Variants in DACH1 observed in about 807,000 individuals in gnomAD.
DACH1 encodes dachshund homolog 1.
DACH1 carries 12 observed loss-of-function variants against 54.2 expected under a neutral mutation model. That is an observed-to-expected ratio of 0.22 (90% CI 0.14 to 0.36). DACH1 has a LOEUF of 0.36. DACH1 is among the 10% of genes least tolerant of loss of function. The probability of loss-of-function intolerance (pLI) is 1.00; values close to 1 mark genes in which losing one functional copy is unlikely to be tolerated. For missense variants in DACH1, 805 were observed against 929.8 expected (o/e 0.87, Z 1.75); for synonymous variants, 386 against 366.2 (o/e 1.05, Z -0.62).
chr13:71,443,351 T>C (rs1346605301), intron 10 of DACH1, among the ~76,000 whole-genome samples: 1 of 151,896 alleles, frequency 6.6e-6, no homozygotes, highest in Non-Finnish European at 1.5e-5. Flanking sequence ...GCCAGCACTT[T>C]GGGAGGCTGA....
At chr13:71,709,998 C>G (rs930549077) in intron 1 of DACH1, among the ~76,000 whole-genome samples, 1 of 152,092 alleles carries the variant, frequency 6.6e-6, no homozygotes, top group African/African-American at 2.4e-5. Flanking sequence ...CAAGTTTGCA[C>G]CACCATGCCT....
intron 2 of DACH1, among the ~76,000 whole-genome samples, chr13:71,646,282 A>G (rs1878260114): frequency 6.6e-6 from 1 of 151,462 alleles, no homozygotes; most frequent in Admixed American, 6.6e-5. Context: ...GCTTGCAGTG[A>G]GCCGAGACTG....
At chr13:71,833,121 G>C (rs941204134) in intron 1 of DACH1, among the ~76,000 whole-genome samples, 4 of 151,886 alleles carry the variant, frequency 2.6e-5, no homozygotes, top group African/African-American at 9.7e-5. Context: ...TTGTAAGAGA[G>C]AGCCAACATT....
chr13:71,786,718 G>A (rs1324231103), intron 1 of DACH1, among the ~76,000 whole-genome samples: 2 of 152,066 alleles, frequency 1.3e-5, no homozygotes, highest in Non-Finnish European at 2.9e-5. Flanking sequence ...CCTGAGGACT[G>A]AGCCTCTTCA....
At chr13:71,523,185 A>G (rs1881724617) in intron 6 of DACH1, among the ~76,000 whole-genome samples, 1 of 152,122 alleles carries the variant, frequency 6.6e-6, no homozygotes, top group Non-Finnish European at 1.5e-5. Flanking sequence ...TATGTCACAA[A>G]CAACATTTCA....
chr13:71,862,877 A>C (rs1054407952), intron 1 of DACH1, among the ~76,000 whole-genome samples: 1 of 152,080 alleles, frequency 6.6e-6, no homozygotes, highest in Non-Finnish European at 1.5e-5. Context: ...GATGTTTCTC[A>C]TTGTATATAA....
intron 1 of DACH1, among the ~76,000 whole-genome samples, chr13:71,827,404 T>C (rs981631179): frequency 6.6e-5 from 10 of 152,126 alleles, no homozygotes; most frequent in Non-Finnish European, 1.3e-4. Flanking sequence ...TAGCCTTCAA[T>C]GCCAAGATGG....
chr13:71,783,971 A>G (rs1003208492), intron 1 of DACH1, among the ~76,000 whole-genome samples: 1 of 150,724 alleles, frequency 6.6e-6, no homozygotes, highest in Admixed American at 6.6e-5. Flanking sequence ...GTTTAAAAAA[A>G]AAAAAAAAAC....
intron 1 of DACH1, among the ~76,000 whole-genome samples, chr13:71,724,678 T>G (rs989877665): frequency 2.0e-5 from 3 of 152,166 alleles, no homozygotes; most frequent in African/African-American, 7.2e-5. Flanking sequence ...AAATGTATGT[T>G]AGTTATGATA....
At chr13:71,740,848 A>G (rs922015581) in intron 1 of DACH1, among the ~76,000 whole-genome samples, 1 of 152,302 alleles carries the variant, frequency 6.6e-6, no homozygotes, top group Non-Finnish European at 1.5e-5. Flanking sequence ...CATAGATTAT[A>G]ACATAGATTT....
At chr13:71,505,993 A>C (rs1315596329) in intron 6 of DACH1, among the ~76,000 whole-genome samples, 1 of 152,136 alleles carries the variant, frequency 6.6e-6, no homozygotes, top group Non-Finnish European at 1.5e-5. Context: ...TTGTTCCTTC[A>C]TCCTCTTGAT....
intron 1 of DACH1, among the ~76,000 whole-genome samples, chr13:71,798,557 GGA>G (rs1257185462): frequency 4.0e-5 from 6 of 151,348 alleles, no homozygotes; most frequent in Admixed American, 6.6e-5. Flanking sequence ...TCAGAATTTT[GGA>G]GTTTATTTAA....
At chr13:71,788,304 C>G (rs1475242677) in intron 1 of DACH1, among the ~76,000 whole-genome samples, 1 of 152,096 alleles carries the variant, frequency 6.6e-6, no homozygotes, top group African/African-American at 2.4e-5. Flanking sequence ...CTCTAATGTT[C>G]TTTCCAATTC....
At chr13:71,794,424 A>G (rs1886959252) in intron 1 of DACH1, among the ~76,000 whole-genome samples, 1 of 152,292 alleles carries the variant, frequency 6.6e-6, no homozygotes, top group African/African-American at 2.4e-5. Context: ...TTTAAAAATA[A>G]TAATGAGCAA....
chr13:71,694,913 C>T (rs1365067282), intron 1 of DACH1, among the ~76,000 whole-genome samples: 1 of 152,022 alleles, frequency 6.6e-6, no homozygotes, highest in Non-Finnish European at 1.5e-5. Context: ...ATTCAAGAAA[C>T]TTCTGGGATG....
At chr13:71,700,729 A>T (rs1014210084) in intron 1 of DACH1, among the ~76,000 whole-genome samples, 1 of 152,190 alleles carries the variant, frequency 6.6e-6, no homozygotes, top group African/African-American at 2.4e-5. Context: ...GTAATACTGT[A>T]ATATGGCAAG....
chr13:71,556,959 G>T (rs1256680273), intron 6 of DACH1, 65 bp downstream of exon 6: 4 of 1,457,980 alleles, frequency 2.7e-6, no homozygotes, highest in South Asian at 1.4e-5. Flanking sequence ...TTCATTGTGT[G>T]ATTAAAATCT....
At chr13:71,822,195 A>G (rs2138185469) in intron 1 of DACH1, among the ~76,000 whole-genome samples, 1 of 152,348 alleles carries the variant, frequency 6.6e-6, no homozygotes. Context: ...AGTGTCATGT[A>G]TTAAACTATC....
At chr13:71,865,886 G>A (rs377041554) in intron 1 of DACH1, 36 bp downstream of exon 1, 872 of 1,547,618 alleles carry the variant, frequency 5.6e-4, no homozygotes, top group Non-Finnish European at 6.7e-4. Context: ...TGGTGGGAAG[G>A]GGCGCGGGCG....
Sources: allele counts gnomAD v4.1 joint callset (sites outside exome capture counted in the v4.1 genomes callset), GRCh38; gene constraint gnomAD v4.1.1; transcripts MANE v1.5; gene names NCBI Gene and HGNC (gene_info 2026-07-23, HGNC 2026-07-21).